The following NOS1 variants were observed in gnomAD, a reference collection of about 807,000 sequenced individuals.
NOS1 encodes NOS type I.
Under a neutral mutation model 164.5 loss-of-function variants are expected in NOS1, and 51 were observed. The observed-to-expected ratio is 0.31, with a 90% CI of 0.25 to 0.39. The LOEUF (loss-of-function observed/expected upper bound fraction) is 0.39. NOS1 is among the 10% of genes least tolerant of loss of function. The pLI, the probability that NOS1 is intolerant of heterozygous loss-of-function variation, is 1.00. For synonymous variants in NOS1, 719 were observed against 745.8 expected, an observed-to-expected ratio of 0.96 and a Z score of 0.59; for missense variants, 1,362 against 1,885.6, an observed-to-expected ratio of 0.72 and a Z score of 5.14.
Position 117,213,443 on chromosome 12 carries a change from G to GGAGATTA in NOS1, c.*1859_*1865dup, listed in dbSNP as rs1360037946. 18 of 985,390 alleles carry GGAGATTA rather than the reference G, an allele frequency of 1.8e-5. No homozygotes were observed. The highest frequency in any genetic ancestry group is 2.2e-5 in the Non-Finnish European group (18 of 830,028). The allele number at this position is 985,390 out of a possible 1,614,324, so 61.0% of individuals were successfully genotyped here. On this transcript the variant is annotated 3_prime_UTR_variant, in exon 29 of 29. Coordinates refer to ENST00000317775, the MANE Select transcript of NOS1 (RefSeq NM_000620.5). ...GAAATTGGGATTAAAGGAAGGCAGG[G>GGAGATTA]GAGATTATAGCTGGCATGAAGTCAA... is the stretch of plus-strand genomic sequence containing the variant.
intron 1 of NOS1, among the ~76,000 whole-genome samples, chr12:117,334,583 T>C (rs1240555852): frequency 1.3e-5 from 2 of 152,016 alleles, no homozygotes; most frequent in African/African-American, 4.8e-5. Flanking sequence ...TTAGTAGAGA[T>C]AGGGTTTTGC....
In NOS1 at chr12:117,212,878, C is replaced by G. The variant is rs1956550122; in HGVS notation, c.*2431G>C. 1.0e-6 allele frequency: 1 copy of G among 985,208 alleles called. No homozygotes were observed. The highest frequency in any genetic ancestry group is 1.7e-5 in the African/African-American group (1 of 57,194). The allele number at this position is 985,208 out of a possible 1,614,324, so 61.0% of individuals were successfully genotyped here. A position where few individuals can be genotyped will look rare whatever the true frequency, so the allele number is the denominator to read the frequency against. The stretch of plus-strand genomic sequence containing the variant: ...AGGCTTTTGGTATCAGGAATTCTGG[C>G]AAATGAAAGAAACACATCAGATCGC... On this transcript the variant is annotated 3_prime_UTR_variant, in exon 29 of 29. Coordinates refer to ENST00000317775, the MANE Select transcript of NOS1 (RefSeq NM_000620.5).
At chr12:117,335,742 GAGAGAGAGAGA>G (rs1875782504) in intron 1 of NOS1, among the ~76,000 whole-genome samples, 1 of 67,236 alleles carries the variant, frequency 1.5e-5, no homozygotes, top group Non-Finnish European at 3.8e-5. Flanking sequence ...GAGAGAGAGA[GAGAGAGAGAGA>G]GAGAGAGAGA....
chr12:117,313,370 C>G (rs3782208), intron 2 of NOS1, among the ~76,000 whole-genome samples: 20,285 of 152,096 alleles, frequency 0.13, 1,598 homozygotes, highest in East Asian at 0.26. Flanking sequence ...TCATAGCTCA[C>G]TGCAGCCTTG....
intron 1 of NOS1, among the ~76,000 whole-genome samples, chr12:117,340,163 C>A (rs1258476249): frequency 6.6e-6 from 1 of 152,140 alleles, no homozygotes; most frequent in Non-Finnish European, 1.5e-5. Context: ...ACCACCGTGA[C>A]TGGCTAATTT....
In NOS1 at chr12:117,210,966, T is replaced by C; in HGVS notation, c.*4343A>G. ...TTTTATTTTATTTTATTTTATTTTATTTTTTTTGAGATAAGAGTCTTGCTC... is the reference window on the plus strand; with the variant it reads ...TTTTATTTTATTTTATTTTATTTTACTTTTTTTGAGATAAGAGTCTTGCTC... On this transcript the variant is annotated 3_prime_UTR_variant, in exon 29 of 29. Transcript: ENST00000317775. 9.7e-6 allele frequency: 9 copies of C among 923,474 alleles called. No homozygotes were observed. Among genetic ancestry groups the C allele is most frequent in the Non-Finnish European group, 1.1e-5 (9 of 783,058 alleles). 57.2% of individuals were successfully genotyped at this position (923,474 alleles called of 1,614,324 possible).
At chr12:117,290,002 T>C (rs1382118235) in intron 4 of NOS1, among the ~76,000 whole-genome samples, 1 of 152,210 alleles carries the variant, frequency 6.6e-6, no homozygotes, top group Non-Finnish European at 1.5e-5. Flanking sequence ...CTGCTTTTTC[T>C]GGCTGCTTGT....
intron 11 of NOS1, among the ~76,000 whole-genome samples, chr12:117,266,538 T>C (rs1872430117): frequency 6.6e-6 from 1 of 151,818 alleles, no homozygotes; most frequent in Admixed American, 6.6e-5. Context: ...GTTTTTTTTT[T>C]CTTTTCTTTT....
chr12:117,220,874 T>G (rs1956692249), intron 26 of NOS1, among the ~76,000 whole-genome samples: 1 of 152,136 alleles, frequency 6.6e-6, no homozygotes, highest in Admixed American at 6.5e-5. Context: ...GTCTTTAACT[T>G]GTCCAGGAAA....
Position 117,330,645 on chromosome 12 carries a change from C to A in NOS1, c.425G>T (p.Gly142Val), listed in dbSNP as rs1328979900. 1.2e-6 allele frequency: 2 copies of A among 1,611,478 alleles called. No homozygotes were observed. The highest frequency in any genetic ancestry group is 1.7e-6 in the Non-Finnish European group (2 of 1,178,260). ...ATCCACTGCCAGGGGCTGTTCTTTGCCGGCCGGTGGCTGGTGGGACAGATC... is the reference window on the plus strand; with the variant it reads ...ATCCACTGCCAGGGGCTGTTCTTTGACGGCCGGTGGCTGGTGGGACAGATC... Reference protein sequence around the residue: ...AVDLSHQPPAGKEQPLAVDGA... With the variant: ...AVDLSHQPPAVKEQPLAVDGA... Residue 142 changes from glycine (G) to valine (V), a missense_variant, in exon 2 of 29, where the codon GGC (glycine) becomes GTC (valine). Physicochemically the swap from Gly to Val is moderately radical, Grantham distance 109. This residue lies in a region of NOS1 where 362 missense variants were observed against 402.0 expected (regional missense o/e 0.90). Transcript: ENST00000317775. The surrounding 1 kb of genome is among the most constrained non-coding windows in gnomAD (Gnocchi z 4.6).
intron 1 of NOS1, among the ~76,000 whole-genome samples, chr12:117,358,733 C>G (rs1876975230): frequency 1.3e-5 from 2 of 152,174 alleles, no homozygotes; most frequent in African/African-American, 4.8e-5. Context: ...GAGGTCTTCA[C>G]CAGGTCTCTC....
intron 9 of NOS1, among the ~76,000 whole-genome samples, chr12:117,275,978 T>C (rs1406774251): frequency 3.3e-5 from 5 of 152,166 alleles, no homozygotes; most frequent in Non-Finnish European, 7.3e-5. Context: ...TGCAGCAACT[T>C]CATGACTCCA....
At chr12:117,328,554 C>T (rs1186350042) in intron 2 of NOS1, among the ~76,000 whole-genome samples, 1 of 151,792 alleles carries the variant, frequency 6.6e-6, no homozygotes, top group Non-Finnish European at 1.5e-5. Flanking sequence ...TCCTTCCCTG[C>T]TTTTTTTTGT....
At position 117,304,171 on chromosome 12, in the gene NOS1, C is replaced by CA. The variant is rs35578100; in HGVS notation, c.852+7294dup. Among the ~76,000 whole-genome samples, 1,072 of 146,842 alleles carry CA rather than the reference C, an allele frequency of 7.3e-3. 69 individuals carry two copies. In the East Asian group the frequency reaches 0.17, roughly 23 times the overall value. On this transcript the variant is annotated intron_variant, in intron 3 of 28. Transcript: ENST00000317775. ...TGGGCGACAGAGCGAGACTCCATCT[C>CA]AAAAAAAAAACCACAAAAACACAAC...
At chr12:117,276,563 G>T (rs372624255) in intron 9 of NOS1, among the ~76,000 whole-genome samples, 1 of 152,100 alleles carries the variant, frequency 6.6e-6, no homozygotes, top group Non-Finnish European at 1.5e-5. Flanking sequence ...AATTACAGGC[G>T]TGAGCCACCA....
chr12:117,284,893 TA>T lies in NOS1; in HGVS notation c.1382+347del, dbSNP rs555356823. Among the ~76,000 whole-genome samples the T allele has an allele frequency of 3.8e-3, 569 of 150,922 alleles. 1 individual carries two copies. The highest frequency in any genetic ancestry group is 0.013 in the African/African-American group (532 of 41,052). The stretch of plus-strand genomic sequence containing the variant: ...CATGAAAGCCCGTTTCTACTAAAAA[TA>T]AAAAAAATTAGCTGGGTGTGGTGGC... On this transcript the variant is annotated intron_variant, in intron 7 of 28. Transcript: ENST00000317775.
intron 3 of NOS1, among the ~76,000 whole-genome samples, chr12:117,299,913 C>G (rs1873702233): frequency 6.6e-6 from 1 of 151,748 alleles, no homozygotes; most frequent in Admixed American, 6.6e-5. Flanking sequence ...CATTACCAGA[C>G]CAGAATGTAT....
chr12:117,314,451 G>A (rs1874584162), intron 2 of NOS1, among the ~76,000 whole-genome samples: 1 of 152,096 alleles, frequency 6.6e-6, no homozygotes, highest in African/African-American at 2.4e-5. Flanking sequence ...TTGCACAGAA[G>A]TTATTTCATT....
chr12:117,357,008 C>T (rs911101982), intron 1 of NOS1, among the ~76,000 whole-genome samples: 38 of 152,118 alleles, frequency 2.5e-4, no homozygotes, highest in African/African-American at 8.0e-4. Flanking sequence ...AGAAGTTATA[C>T]CTGATAGGTC....
Sources: gnomAD v4.1 joint callset for allele counts (sites outside exome capture counted in the v4.1 genomes callset) on GRCh38, gnomAD v4.1.1 for gene constraint, gnomAD v4.1.1 regional missense constraint, Gnocchi (gnomAD v3.1) non-coding constraint, MANE v1.5 for transcripts, NCBI Gene and HGNC (gene_info 2026-07-23, HGNC 2026-07-21) for gene names.